Variants in BAD observed in about 807,000 individuals in gnomAD.
BAD encodes bcl2-associated agonist of cell death.
A neutral mutation model predicts 17.8 loss-of-function variants in BAD; 18 were observed. The observed-to-expected ratio is 1.01, with a 90% CI of 0.70 to 1.50. The LOEUF (loss-of-function observed/expected upper bound fraction) is 1.50. BAD is among the 40% of genes most tolerant of loss of function. BAD has a pLI of 0.00. For synonymous variants in BAD, 112 were observed against 91.5 expected, an observed-to-expected ratio of 1.22 and a Z score of -1.28; for missense variants, 294 against 239.3, an observed-to-expected ratio of 1.23 and a Z score of -1.51.
At position 64,270,331 on chromosome 11, in the gene BAD, G is replaced by C; in HGVS notation, c.385C>G (p.Leu129Val). 6.4e-7 allele frequency: 1 copy of C among 1,554,038 alleles called. No individual in the cohort carries two copies. The highest frequency in any genetic ancestry group is 8.7e-7 in the Non-Finnish European group (1 of 1,146,070). Residue 129 changes from leucine (L) to valine (V), a missense_variant, in exon 4 of 4, where the codon CTT becomes GTT. Physicochemically the swap from Leu to Val is conservative, Grantham distance 32. Coordinates refer to ENST00000309032, the MANE Select transcript of BAD (RefSeq NM_032989.3). Reference protein sequence around the residue: ...DEFVDSFKKGLPRPKSAGTAT... With the variant: ...DEFVDSFKKGVPRPKSAGTAT... Reference sequence around the variant, plus strand: ...GTGCCCGCGCTCTTCGGGCGAGGAAGTCCCTTCTGGTGGAGGGAGAAAAGG... The same window carrying C: ...GTGCCCGCGCTCTTCGGGCGAGGAACTCCCTTCTGGTGGAGGGAGAAAAGG...
rs2032377333 is a variant in BAD, at chr11:64,269,897, CG to C, written c.*311del. 1 of 700,188 alleles carries C rather than the reference CG, an allele frequency of 1.4e-6. No homozygotes were observed. Among genetic ancestry groups the C allele is most frequent in the Non-Finnish European group, 2.6e-6 (1 of 385,550 alleles). 43.4% of individuals were successfully genotyped at this position (700,188 alleles called of 1,614,324 possible). On this transcript the variant is annotated 3_prime_UTR_variant, in exon 4 of 4. Transcript: ENST00000309032. ...CGGCCCCCAGGGCATCGCGGGGGCT[CG>C]GGTCCCGGTGACGCAACGGTTAAAC... is the stretch of plus-strand genomic sequence containing the variant.
rs1281825331 is a variant in BAD, at chr11:64,284,174, G to T, written c.187+8C>A. On this transcript the variant is annotated splice_region_variant and intron_variant, in intron 2 of 3. Transcript: ENST00000309032. ...TGTCCCGGCAGGTGGAGGTGGTGGG[G>T]TACTTACCTCCATGATGGCTGCTGC... 3 of 1,582,966 alleles carry T rather than the reference G, an allele frequency of 1.9e-6. No individual in the cohort carries two copies. The highest frequency in any genetic ancestry group is 2.6e-6 in the Non-Finnish European group (3 of 1,164,708).
chr11:64,273,080 A>G (rs2032760535), intron 2 of BAD, among the ~76,000 whole-genome samples: 1 of 152,158 alleles, frequency 6.6e-6, no homozygotes, highest in Admixed American at 6.5e-5. Flanking sequence ...AAAAATTAAT[A>G]AAAGAAGGCC....
chr11:64,274,276 A>G (rs557981024), intron 2 of BAD, among the ~76,000 whole-genome samples: 65 of 152,094 alleles, frequency 4.3e-4, no homozygotes, highest in African/African-American at 1.5e-3. Context: ...AGTTCCAGCT[A>G]CTCGGGAGGG....
chr11:64,270,481 G>A (rs760982455), intron 3 of BAD, 144 bp from the exon 4 acceptor site: 37 of 1,188,850 alleles, frequency 3.1e-5, no homozygotes, highest in Non-Finnish European at 4.1e-5. Flanking sequence ...ACGCCGGGCG[G>A]TCAGGGACGC....
chr11:64,276,992 C>T (rs773255111), intron 2 of BAD: 1 of 725,246 alleles, frequency 1.4e-6, no homozygotes, highest in East Asian at 2.6e-5. Context: ...CATCCCTGCA[C>T]TGGGATTTTC....
intron 2 of BAD, among the ~76,000 whole-genome samples, chr11:64,283,431 T>C (rs2033617455): frequency 6.6e-6 from 1 of 152,230 alleles, no homozygotes; most frequent in African/African-American, 2.4e-5. Flanking sequence ...TAGAGCCTAC[T>C]GAGAAATGGA....
chr11:64,284,263 T>C lies in BAD; in HGVS notation c.106A>G (p.Lys36Glu). ...PAGDGPSGSG[K>E]HHRQAPGLLW... ...AGGCCTGGGGCCTGGCGATGATGCT[T>C]GCCGGAGCCTGAGGGCCCGTCCCCT... Residue 36 changes from lysine (K) to glutamate (E), a missense_variant, in exon 2 of 4, where the codon AAG becomes GAG. Transcript: ENST00000309032. 6.2e-7 allele frequency: 1 copy of C among 1,611,294 alleles called. No homozygotes were observed. The highest frequency in any genetic ancestry group is 8.5e-7 in the Non-Finnish European group (1 of 1,179,780).
chr11:64,278,153 G>T (rs920464526), intron 2 of BAD, among the ~76,000 whole-genome samples: 1 of 152,048 alleles, frequency 6.6e-6, no homozygotes, highest in Non-Finnish European at 1.5e-5. Context: ...AATTAGCCAG[G>T]CATGGTGGCG....
chr11:64,270,366 G>T, intron 3 of BAD, 29 bp from the exon 4 acceptor site: 1 of 1,522,690 alleles, frequency 6.6e-7, no homozygotes. Context: ...GGTTACATGA[G>T]TTAGATTACC....
intron 2 of BAD, among the ~76,000 whole-genome samples, chr11:64,274,011 TCAGAGGAC>T (rs1192100571): frequency 6.6e-5 from 10 of 152,122 alleles, no homozygotes; most frequent in Admixed American, 2.0e-4. Context: ...TCTTCTCCCC[TCAGAGGAC>T]CTGAGGACCT....
chr11:64,284,669 G>C (rs545065054), upstream of BAD: 53 of 1,534,938 alleles, frequency 3.5e-5, no homozygotes, highest in Admixed American at 1.0e-3. Flanking sequence ...CGGGCCTGCC[G>C]CCTCCCTCCA....
At chr11:64,276,822 G>T (rs961804421) in intron 2 of BAD, 7 of 688,950 alleles carry the variant, frequency 1.0e-5, no homozygotes, top group South Asian at 7.8e-5. Context: ...CTTGCCATCC[G>T]CCTAGAGCCT....
At chr11:64,284,063 G>T in intron 2 of BAD, 119 bp downstream of exon 2, 2 of 1,223,158 alleles carry the variant, frequency 1.6e-6, no homozygotes, top group Non-Finnish European at 2.2e-6. Context: ...GGAAACTGGG[G>T]CTCTGAGAGT....
At chr11:64,279,325 T>C (rs914591472) in intron 2 of BAD, among the ~76,000 whole-genome samples, 1 of 152,152 alleles carries the variant, frequency 6.6e-6, no homozygotes, top group African/African-American at 2.4e-5. Context: ...TCAGCCAGCT[T>C]GGACCCCACA....
chr11:64,279,590 C>T (rs896421998), intron 2 of BAD, among the ~76,000 whole-genome samples: 1 of 151,158 alleles, frequency 6.6e-6, no homozygotes, highest in South Asian at 2.1e-4. Flanking sequence ...CATGGTGAAA[C>T]CCCCGTCTCC....
At chr11:64,273,607 G>A (rs1028035241) in intron 2 of BAD, among the ~76,000 whole-genome samples, 7 of 151,994 alleles carry the variant, frequency 4.6e-5, no homozygotes, top group Admixed American at 2.0e-4. Context: ...GGGGCTGGGC[G>A]CAGTGGCTCA....
rs546407241 is a variant in BAD, at chr11:64,271,919, G to A, written c.188-116C>T. 7.5e-6 allele frequency: 6 copies of A among 797,470 alleles called. No homozygotes were observed. In the South Asian group the frequency reaches 2.0e-4, roughly 26 times the overall value. The allele number at this position is 797,470 out of a possible 1,614,324, so 49.4% of individuals were successfully genotyped here. A position where few individuals can be genotyped will look rare whatever the true frequency, so the allele number is the denominator to read the frequency against. On this transcript the variant is annotated intron_variant, in intron 2 of 3. Transcript: ENST00000309032. Reference sequence around the variant, plus strand: ...GCCCACTCGTGGGTCTTCCAGGGGCGCATCACAGCCCACCTCTCAGAGCCC... The same window carrying A: ...GCCCACTCGTGGGTCTTCCAGGGGCACATCACAGCCCACCTCTCAGAGCCC...
At chr11:64,276,907 T>C (rs1158320969) in intron 2 of BAD, 1 of 761,276 alleles carries the variant, frequency 1.3e-6, no homozygotes, top group Admixed American at 1.8e-5. Context: ...ATGGCACCTC[T>C]AGCTTTACAT....
Sources: allele counts gnomAD v4.1 joint callset (sites outside exome capture counted in the v4.1 genomes callset), GRCh38; gene constraint gnomAD v4.1.1; transcripts MANE v1.5; gene names NCBI Gene and HGNC (gene_info 2026-07-23, HGNC 2026-07-21).